Variants in SMYD3 observed in about 807,000 individuals in gnomAD.
SMYD3 encodes SET and MYND domain containing 3.
In SMYD3, 36 loss-of-function variants were observed where a neutral mutation model predicts 57.7. The ratio of observed to expected loss-of-function variants is 0.62; its 90% confidence interval spans 0.48 to 0.82. SMYD3 has a LOEUF of 0.82. Ranked by LOEUF, SMYD3 falls within the 40% of genes least tolerant of loss-of-function variation. The pLI, the probability that SMYD3 is intolerant of heterozygous loss-of-function variation, is 0.00. For synonymous variants in SMYD3, 211 were observed against 195.0 expected, an observed-to-expected ratio of 1.08 and a Z score of -0.68; for missense variants, 515 against 538.8, an observed-to-expected ratio of 0.96 and a Z score of 0.44.
intron 10 of SMYD3, among the ~76,000 whole-genome samples, chr1:245,782,607 G>A (rs1246599342): frequency 6.6e-6 from 1 of 152,104 alleles, no homozygotes; most frequent in Non-Finnish European, 1.5e-5. Context: ...CTTAAAGCAG[G>A]GGCTATGACT....
intron 10 of SMYD3, among the ~76,000 whole-genome samples, chr1:245,828,753 G>A (rs1301039441): frequency 2.0e-5 from 3 of 151,726 alleles, no homozygotes; most frequent in South Asian, 2.1e-4. Context: ...CCAGGCTGGA[G>A]TGCAGTGGCA....
chr1:246,425,130 A>G (rs925724296), intron 1 of SMYD3, among the ~76,000 whole-genome samples: 11 of 152,298 alleles, frequency 7.2e-5, no homozygotes, highest in African/African-American at 2.6e-4. Flanking sequence ...AACTGGTCAC[A>G]GCAAGACTAG....
chr1:245,936,499 C>T (rs1339063160), intron 5 of SMYD3, among the ~76,000 whole-genome samples: 1 of 152,054 alleles, frequency 6.6e-6, no homozygotes, highest in Non-Finnish European at 1.5e-5. Flanking sequence ...AAACATAATC[C>T]AGCTGGTTTC....
intron 10 of SMYD3, among the ~76,000 whole-genome samples, chr1:245,839,830 A>C (rs948720188): frequency 3.9e-5 from 6 of 152,094 alleles, no homozygotes; most frequent in African/African-American, 1.4e-4. Context: ...CAGTTCATTC[A>C]GAAAAAAAAA....
At chr1:245,752,775 C>T (rs2045445032) in intron 11 of SMYD3, among the ~76,000 whole-genome samples, 1 of 152,208 alleles carries the variant, frequency 6.6e-6, no homozygotes, top group Non-Finnish European at 1.5e-5. Context: ...GCTTCACATC[C>T]ACACCTCACA....
At chr1:245,775,183 C>A (rs1340521713) in intron 10 of SMYD3, among the ~76,000 whole-genome samples, 1 of 152,146 alleles carries the variant, frequency 6.6e-6, no homozygotes, top group South Asian at 2.1e-4. Context: ...GTGGGGGACA[C>A]CCCCACCCGG....
chr1:245,857,448 A>C (rs1413938968), intron 10 of SMYD3, among the ~76,000 whole-genome samples: 8 of 47,464 alleles, frequency 1.7e-4, no homozygotes, highest in Non-Finnish European at 4.1e-4. Flanking sequence ...AACAGGAAGT[A>C]CCCTGGACTC....
chr1:245,981,278 G>A lies in SMYD3; in HGVS notation c.532-51341C>T, dbSNP rs575133913. Among the ~76,000 whole-genome samples, 37 of 152,336 alleles carry A rather than the reference G, an allele frequency of 2.4e-4. No individual in the cohort carries two copies. The East Asian group carries it at 3.1e-3, about 13-fold the overall frequency. The stretch of plus-strand genomic sequence containing the variant: ...GCCTGCTGGGCTAGACCAGTGTCCC[G>A]AAGCTCTGCCCTTTTTGAGAGGATG... On this transcript the variant is annotated intron_variant, in intron 5 of 11. Coordinates refer to ENST00000490107, the MANE Select transcript of SMYD3 (RefSeq NM_001167740.2).
chr1:246,104,235 C>T (rs972033149), intron 5 of SMYD3, among the ~76,000 whole-genome samples: 4 of 152,214 alleles, frequency 2.6e-5, no homozygotes, highest in Non-Finnish European at 4.4e-5. Context: ...ATAAAAGAAT[C>T]ACCCACTTGT....
intron 10 of SMYD3, among the ~76,000 whole-genome samples, chr1:245,845,718 A>G (rs2050631040): frequency 6.6e-6 from 1 of 152,238 alleles, no homozygotes; most frequent in South Asian, 2.1e-4. Flanking sequence ...ATAATGGCGG[A>G]GAGCTGCTGC....
intron 10 of SMYD3, among the ~76,000 whole-genome samples, chr1:245,773,110 A>G (rs2046404908): frequency 7.0e-6 from 1 of 143,758 alleles, no homozygotes; most frequent in South Asian, 2.2e-4. Flanking sequence ...AAAAAAAAAA[A>G]GCATGATAGC....
chr1:245,757,869 TTTC>T lies in SMYD3; in HGVS notation c.1185+6169_1185+6171del, dbSNP rs560196498. On this transcript the variant is annotated intron_variant, in intron 11 of 11. Transcript: ENST00000490107. ...AATCAAGAACTGTGAGTTCTCCATATTTCTTCTTCTTTTTCAAGACTGCTTTTG... is the reference window on the plus strand; with the variant it reads ...AATCAAGAACTGTGAGTTCTCCATATTTCTTCTTTTTCAAGACTGCTTTTG... 1.5e-4 allele frequency among the ~76,000 whole-genome samples: 23 copies of T among 152,242 alleles called. No individual in the cohort carries two copies. In the East Asian group the frequency reaches 1.7e-3, roughly 11 times the overall value.
In SMYD3 at chr1:246,371,849, T is replaced by G. The variant is rs893202240; in HGVS notation, c.165-16755A>C. On this transcript the variant is annotated intron_variant, in intron 1 of 11. Transcript: ENST00000490107. ...GCTAAATTCACTAATTGGAGTCGTT[T>G]GTTCATTTAAGAGGCCTGAAGCCAT... Among the ~76,000 whole-genome samples the G allele has an allele frequency of 2.0e-5, 3 of 152,140 alleles. 1 individual carries two copies. The highest frequency in any genetic ancestry group is 4.4e-5 in the Non-Finnish European group (3 of 68,028).
intron 8 of SMYD3, among the ~76,000 whole-genome samples, chr1:245,885,833 C>G (rs1002499228): frequency 6.6e-6 from 1 of 152,078 alleles, no homozygotes; most frequent in Non-Finnish European, 1.5e-5. Flanking sequence ...TTATTCATAA[C>G]ATGAAGTAGT....
intron 1 of SMYD3, among the ~76,000 whole-genome samples, chr1:246,369,382 TA>T (rs2066157384): frequency 6.6e-6 from 1 of 152,188 alleles, no homozygotes; most frequent in Non-Finnish European, 1.5e-5. Context: ...TTTTCCTAGT[TA>T]TTTTTGGGAA....
chr1:246,143,301 T>C (rs1335950913), intron 5 of SMYD3, among the ~76,000 whole-genome samples: 6 of 152,182 alleles, frequency 3.9e-5, no homozygotes, highest in African/African-American at 1.4e-4. Flanking sequence ...CCTTTCTTTG[T>C]AAGTTTAAAC....
intron 10 of SMYD3, among the ~76,000 whole-genome samples, chr1:245,802,529 CCAAAG>C (rs2047921555): frequency 6.6e-6 from 1 of 152,134 alleles, no homozygotes; most frequent in Non-Finnish European, 1.5e-5. Flanking sequence ...GCATACCTCC[CCAAAG>C]CAGGAGTATT....
intron 5 of SMYD3, among the ~76,000 whole-genome samples, chr1:246,002,402 T>C (rs1384670966): frequency 1.8e-5 from 1 of 55,446 alleles, no homozygotes; most frequent in Non-Finnish European, 4.3e-5. Context: ...GCCAGGATGG[T>C]CTCGATCTCC....
intron 5 of SMYD3, among the ~76,000 whole-genome samples, chr1:245,986,871 G>A (rs1304415100): frequency 3.3e-5 from 5 of 152,110 alleles, no homozygotes; most frequent in Admixed American, 2.6e-4. Context: ...TGGTATAGGT[G>A]GATACAGCAA....
Sources: allele counts gnomAD v4.1 joint callset (sites outside exome capture counted in the v4.1 genomes callset), GRCh38; gene constraint gnomAD v4.1.1; transcripts MANE v1.5; gene names NCBI Gene and HGNC (gene_info 2026-07-23, HGNC 2026-07-21).